The following RAD51B variants were observed in gnomAD, a reference collection of about 807,000 sequenced individuals.
RAD51B encodes DNA repair protein RAD51 homolog 2.
In RAD51B, 38 loss-of-function variants were observed where a neutral mutation model predicts 42.2. The ratio of observed to expected loss-of-function variants is 0.90; its 90% CI spans 0.70 to 1.18. RAD51B has a LOEUF of 1.18. Ranked by LOEUF, RAD51B falls within the 50% of genes most tolerant of loss-of-function variation. RAD51B has a pLI of 0.00. For missense variants in RAD51B, 373 were observed against 400.7 expected (o/e 0.93, Z 0.59); for synonymous variants, 154 against 145.2 (o/e 1.06, Z -0.43).
chr14:68,079,629 T>C (rs993230984), intron 7 of RAD51B, among the ~76,000 whole-genome samples: 1 of 152,218 alleles, frequency 6.6e-6, no homozygotes, highest in Non-Finnish European at 1.5e-5. Context: ...TTATGTTGGT[T>C]TTTATTTTAT....
chr14:68,289,919 G>A (rs1185374308), intron 7 of RAD51B, among the ~76,000 whole-genome samples: 1 of 152,186 alleles, frequency 6.6e-6, no homozygotes, highest in African/African-American at 2.4e-5. Flanking sequence ...TGCAATATCT[G>A]ATTATTGCTG....
intron 8 of RAD51B, among the ~76,000 whole-genome samples, chr14:68,324,315 C>CCAGG (rs1566809085): frequency 6.6e-6 from 1 of 152,196 alleles, no homozygotes; most frequent in East Asian, 1.9e-4. Context: ...GATGAGCCAT[C>CCAGG]CAGGCCTCAT....
intron 7 of RAD51B, among the ~76,000 whole-genome samples, chr14:68,256,318 A>G (rs1429368919): frequency 6.6e-6 from 1 of 152,204 alleles, no homozygotes. Context: ...CTATTAAGAA[A>G]GGATTAAAGG....
intron 9 of RAD51B, among the ~76,000 whole-genome samples, chr14:68,413,554 A>T (rs2084472484): frequency 6.6e-6 from 1 of 152,248 alleles, no homozygotes; most frequent in Non-Finnish European, 1.5e-5. Flanking sequence ...CATTTAATTA[A>T]TCTATAGAAA....
At chr14:68,350,107 G>T (rs1396706173) in intron 8 of RAD51B, among the ~76,000 whole-genome samples, 1 of 152,144 alleles carries the variant, frequency 6.6e-6, no homozygotes, top group Non-Finnish European at 1.5e-5. Context: ...ATCTCTCTGT[G>T]CACATATAGA....
At chr14:68,361,801 G>A (rs143494318) in intron 8 of RAD51B, among the ~76,000 whole-genome samples, 4,482 of 152,088 alleles carry the variant, frequency 0.029, 210 homozygotes, top group African/African-American at 0.098. Flanking sequence ...TCAGCCTCCC[G>A]AGTAGCTGGG....
chr14:68,380,592 C>T (rs192161616), intron 8 of RAD51B, among the ~76,000 whole-genome samples: 5 of 152,224 alleles, frequency 3.3e-5, no homozygotes, highest in African/African-American at 1.2e-4. Context: ...CTGGCTTTTA[C>T]AGTCTCAGCA....
At chr14:67,909,521 G>A (rs1210462582) in intron 7 of RAD51B, among the ~76,000 whole-genome samples, 3 of 152,146 alleles carry the variant, frequency 2.0e-5, no homozygotes, top group Non-Finnish European at 2.9e-5. Flanking sequence ...TATCTTTGCG[G>A]TTTTGTTTGT....
intron 7 of RAD51B, among the ~76,000 whole-genome samples, chr14:67,974,117 G>A (rs2140256079): frequency 6.6e-6 from 1 of 152,192 alleles, no homozygotes; most frequent in East Asian, 1.9e-4. Context: ...ACGGAGGTTT[G>A]TGTTAGAACT....
At chr14:68,364,228 G>T (rs989576954) in intron 8 of RAD51B, among the ~76,000 whole-genome samples, 1 of 151,734 alleles carries the variant, frequency 6.6e-6, no homozygotes, top group Non-Finnish European at 1.5e-5. Flanking sequence ...CTCCCTCTGC[G>T]CCCACTCCTC....
Position 68,238,710 on chromosome 14 carries a change from A to G in RAD51B, c.757-53174A>G, listed in dbSNP as rs76190177. ...TCAACTCTTAAAACCAGACCATATA[A>G]TGTAATACAATGTATCCCTGCGTTG... is the stretch of plus-strand genomic sequence containing the variant. On this transcript the variant is annotated intron_variant, in intron 7 of 10. Coordinates refer to ENST00000471583, the MANE Select transcript of RAD51B (RefSeq NM_133510.4). Among the ~76,000 whole-genome samples, 12 of 152,364 alleles carry G rather than the reference A, an allele frequency of 7.9e-5. No homozygotes were observed. In the East Asian group the frequency reaches 1.9e-3, roughly 24 times the overall value.
At chr14:68,311,492 AC>A (rs1265898446) in intron 8 of RAD51B, among the ~76,000 whole-genome samples, 1 of 152,158 alleles carries the variant, frequency 6.6e-6, no homozygotes, top group African/African-American at 2.4e-5. Context: ...GCTCAAGATC[AC>A]CTTTTTTCCT....
At chr14:68,553,901 G>T (rs370382803) in intron 10 of RAD51B, among the ~76,000 whole-genome samples, 36 of 152,176 alleles carry the variant, frequency 2.4e-4, no homozygotes, top group African/African-American at 8.2e-4. Flanking sequence ...GCTAAGAAAT[G>T]AGCTTTGTCT....
chr14:67,961,092 G>A (rs548968276), intron 7 of RAD51B, among the ~76,000 whole-genome samples: 2 of 152,054 alleles, frequency 1.3e-5, no homozygotes, highest in Admixed American at 1.3e-4. Context: ...CTGCAGCCTC[G>A]ACTTCCTGGG....
At chr14:68,324,802 T>C (rs894966725) in intron 8 of RAD51B, among the ~76,000 whole-genome samples, 1 of 152,220 alleles carries the variant, frequency 6.6e-6, no homozygotes, top group African/African-American at 2.4e-5. Context: ...TTTTGACTTA[T>C]CTACTCATGC....
intron 8 of RAD51B, among the ~76,000 whole-genome samples, chr14:68,326,027 C>CTTTTTTTTTTTTTTTTTTTTTTTTTTTTT: frequency 3.9e-5 from 2 of 51,636 alleles, no homozygotes; most frequent in African/African-American, 5.9e-5. Flanking sequence ...TGTTGTTATT[C>CTTTTTTTTTTTTTTTTTTTTTTTTTTTTT]TTTTTCTTTT....
chr14:68,617,714 C>T (rs72729557), intron 10 of RAD51B, among the ~76,000 whole-genome samples: 18,934 of 152,216 alleles, frequency 0.12, 1,330 homozygotes, highest in East Asian at 0.19. Context: ...TGATCATTTA[C>T]CACATGTATT....
intron 4 of RAD51B, among the ~76,000 whole-genome samples, chr14:67,836,990 A>AT (rs5809366): frequency 0.33 from 50,452 of 151,704 alleles, 8,795 homozygotes; most frequent in Middle Eastern, 0.45. Context: ...TTAACTGTGG[A>AT]TTTTTTTTCC....
At chr14:68,630,944 C>T (rs1419821306) in intron 10 of RAD51B, among the ~76,000 whole-genome samples, 1 of 152,086 alleles carries the variant, frequency 6.6e-6, no homozygotes, top group Non-Finnish European at 1.5e-5. Flanking sequence ...CATTTTGGCC[C>T]TATTATTTTA....
Sources: allele counts gnomAD v4.1 joint callset (sites outside exome capture counted in the v4.1 genomes callset), GRCh38; gene constraint gnomAD v4.1.1; transcripts MANE v1.5; gene names NCBI Gene and HGNC (gene_info 2026-07-23, HGNC 2026-07-21).